Variants in SLCO3A1 observed in about 807,000 individuals in gnomAD.
The protein encoded by SLCO3A1 is solute carrier organic anion transporter family member 3A1.
Under a neutral mutation model 63.1 loss-of-function variants are expected in SLCO3A1, and 27 were observed. The observed-to-expected ratio is 0.43, with a 90% CI of 0.32 to 0.59. SLCO3A1 has a LOEUF of 0.59. Ranked by LOEUF, SLCO3A1 falls within the 20% of genes least tolerant of loss-of-function variation. SLCO3A1 has a pLI of 0.09. For missense variants in SLCO3A1, 773 were observed against 945.8 expected (o/e 0.82, Z 2.40); for synonymous variants, 473 against 409.9 (o/e 1.15, Z -1.86).
rs561742159 is a variant in SLCO3A1 at position 92,158,134 on chromosome 15, T to G, written c.1754-4622T>G. On this transcript the variant is annotated intron_variant, in intron 9 of 9. Transcript: ENST00000318445. ...TGTCCAGCGAAATACTGAGTTTGTT[T>G]ACAAAATAAGTCTCCCAGCCTTCTC... Among the ~76,000 whole-genome samples the G allele has an allele frequency of 5.3e-5, 8 of 152,320 alleles. No individual in the cohort carries two copies. In the South Asian group the frequency reaches 1.7e-3, roughly 32 times the overall value.
chr15:92,082,428 TCTTTTTC>T (rs2047358501), intron 2 of SLCO3A1, among the ~76,000 whole-genome samples: 1 of 152,194 alleles, frequency 6.6e-6, no homozygotes, highest in Non-Finnish European at 1.5e-5. Context: ...CTGGAATTGC[TCTTTTTC>T]CTAGGTCAGC....
intron 2 of SLCO3A1, among the ~76,000 whole-genome samples, chr15:92,084,681 C>A (rs2047384617): frequency 6.6e-6 from 1 of 152,204 alleles, no homozygotes; most frequent in Non-Finnish European, 1.5e-5. Flanking sequence ...GAGTTTATGC[C>A]AGCAGGTAGC....
chr15:91,990,194 C>T (rs910144005), intron 2 of SLCO3A1, among the ~76,000 whole-genome samples: 5 of 152,096 alleles, frequency 3.3e-5, no homozygotes, highest in Non-Finnish European at 7.3e-5. Flanking sequence ...ATGTAGGGCA[C>T]GGAAAGGCAG....
intron 2 of SLCO3A1, among the ~76,000 whole-genome samples, chr15:92,068,079 T>A (rs1206469757): frequency 6.6e-6 from 1 of 152,162 alleles, no homozygotes; most frequent in East Asian, 1.9e-4. Context: ...GATTTCAACA[T>A]GAATTTGGCA....
intron 2 of SLCO3A1, among the ~76,000 whole-genome samples, chr15:92,078,271 T>C (rs1232234337): frequency 2.0e-5 from 3 of 152,238 alleles, no homozygotes; most frequent in African/African-American, 7.2e-5. Context: ...CAGAGCTGGC[T>C]AGCACAGGGC....
chr15:91,919,362 G>A, intron 2 of SLCO3A1, among the ~76,000 whole-genome samples: 1 of 152,230 alleles, frequency 6.6e-6, no homozygotes, highest in Non-Finnish European at 1.5e-5. Flanking sequence ...TTTCCAGTGT[G>A]GGAGGGAGCC....
At chr15:92,107,415 G>C (rs894763287) in intron 4 of SLCO3A1, among the ~76,000 whole-genome samples, 2 of 147,890 alleles carry the variant, frequency 1.4e-5, no homozygotes, top group Non-Finnish European at 3.0e-5. Context: ...ACATGTTTTT[G>C]CTATACGAGC....
intron 2 of SLCO3A1, among the ~76,000 whole-genome samples, chr15:91,998,329 C>T (rs1597205443): frequency 1.3e-5 from 2 of 152,086 alleles, no homozygotes; most frequent in East Asian, 3.9e-4. Context: ...TGGCGCACCC[C>T]TGTAATCCCA....
At chr15:92,088,990 A>G (rs1254101762) in intron 2 of SLCO3A1, among the ~76,000 whole-genome samples, 1 of 149,770 alleles carries the variant, frequency 6.7e-6, no homozygotes, top group African/African-American at 2.5e-5. Context: ...CACTTACCCC[A>G]GCTTTATTTA....
At chr15:91,982,191 C>A (rs1165982322) in intron 2 of SLCO3A1, among the ~76,000 whole-genome samples, 1 of 152,230 alleles carries the variant, frequency 6.6e-6, no homozygotes, top group Non-Finnish European at 1.5e-5. Context: ...TGGGTCATGC[C>A]GGCCACACAT....
In SLCO3A1 at chr15:91,928,550, C is replaced by T. The variant is rs961066998; in HGVS notation, c.646+12092C>T. 3.3e-5 allele frequency among the ~76,000 whole-genome samples: 5 copies of T among 152,144 alleles called. No individual in the cohort carries two copies. The East Asian group carries it at 9.6e-4, about 29-fold the overall frequency. On this transcript the variant is annotated intron_variant, in intron 2 of 9. Transcript: ENST00000318445. ...TCCACACCAGGATAATATAGGACCC[C>T]AAGAATGTCACACTAAGTATGAAAA...
intron 7 of SLCO3A1, among the ~76,000 whole-genome samples, chr15:92,140,609 A>G (rs1455365186): frequency 1.3e-5 from 2 of 152,056 alleles, no homozygotes; most frequent in African/African-American, 4.8e-5. Flanking sequence ...AATGTGTGGG[A>G]GTCTAATTCT....
In SLCO3A1 at chr15:92,140,747, C is replaced by T. The variant is rs548681423; in HGVS notation, c.1513-6237C>T. On this transcript the variant is annotated intron_variant, in intron 7 of 9. Coordinates refer to ENST00000318445, the MANE Select transcript of SLCO3A1 (RefSeq NM_013272.4). The stretch of plus-strand genomic sequence containing the variant: ...ACCATTATGTAATGGCCTTCTTTGT[C>T]TCTTTTGATCATTGTTGGTTTAAAG... Among the ~76,000 whole-genome samples the T allele has an allele frequency of 4.0e-4, 61 of 152,290 alleles. 2 individuals are homozygous for T. Among genetic ancestry groups the T allele is most frequent in the African/African-American group, 1.4e-3 (59 of 41,564 alleles).
intron 2 of SLCO3A1, among the ~76,000 whole-genome samples, chr15:91,962,987 C>G (rs1217562216): frequency 6.6e-6 from 1 of 152,196 alleles, no homozygotes; most frequent in Non-Finnish European, 1.5e-5. Flanking sequence ...TTCTTCCAAT[C>G]TGTAACTAAG....
chr15:92,090,039 T>A (rs984224744), intron 2 of SLCO3A1, among the ~76,000 whole-genome samples: 15 of 152,060 alleles, frequency 9.9e-5, no homozygotes, highest in Non-Finnish European at 1.9e-4. Flanking sequence ...CAACAGAAAA[T>A]ATATATATAT....
intron 2 of SLCO3A1, among the ~76,000 whole-genome samples, chr15:91,969,744 G>A (rs975721): frequency 0.6 from 91,111 of 152,050 alleles, 27,711 homozygotes; most frequent in East Asian, 0.76. Context: ...CATCTTATGG[G>A]CTCACCCTTA....
chr15:92,108,266 G>A (rs912509625), intron 4 of SLCO3A1, among the ~76,000 whole-genome samples: 6 of 152,188 alleles, frequency 3.9e-5, no homozygotes, highest in Admixed American at 1.3e-4. Flanking sequence ...GGGGCTGGCC[G>A]AGCCAAGGCA....
intron 2 of SLCO3A1, among the ~76,000 whole-genome samples, chr15:91,991,083 A>ACTG (rs1487939995): frequency 6.6e-6 from 1 of 152,130 alleles, no homozygotes; most frequent in Non-Finnish European, 1.5e-5. Flanking sequence ...TAATTGCCTG[A>ACTG]TTTTGGCCAA....
intron 2 of SLCO3A1, among the ~76,000 whole-genome samples, chr15:91,956,595 G>C (rs2151416743): frequency 6.6e-6 from 1 of 152,058 alleles, no homozygotes; most frequent in East Asian, 1.9e-4. Context: ...TTTGGCTTCT[G>C]TATCATCTTA....
Sources: allele counts gnomAD v4.1 joint callset (sites outside exome capture counted in the v4.1 genomes callset), GRCh38; gene constraint gnomAD v4.1.1; transcripts MANE v1.5; gene names NCBI Gene and HGNC (gene_info 2026-07-23, HGNC 2026-07-21).